Variants in DIP2C observed in about 807,000 individuals in gnomAD.
DIP2C encodes the protein DIP2 acetate--CoA ligase C (putative), also known as disco-interacting protein 2 homolog C.
DIP2C carries 33 observed loss-of-function variants against 192.4 expected under a neutral mutation model. The observed-to-expected ratio is 0.17, with a 90% CI of 0.13 to 0.23. The LOEUF is 0.23. Among genes scored for constraint, DIP2C ranks in the 10% least tolerant of loss-of-function variants. The pLI, the probability that DIP2C is intolerant of heterozygous loss-of-function variation, is 1.00. For synonymous variants in DIP2C, 979 were observed against 864.1 expected (o/e 1.13, Z -2.33); for missense variants, 1,537 against 2,110.1 (o/e 0.73, Z 5.32).
chr10:340,770 T>C (rs1451753378), intron 29 of DIP2C: 1 of 457,814 alleles, frequency 2.2e-6, no homozygotes, highest in African/African-American at 2.0e-5. Context: ...TCAGCCCTCG[T>C]GGACTCACCT....
chr10:574,939 CCA>C (rs2131546958), intron 1 of DIP2C, among the ~76,000 whole-genome samples: 1 of 152,216 alleles, frequency 6.6e-6, no homozygotes, highest in South Asian at 2.1e-4. Flanking sequence ...TTATGTAATT[CCA>C]CAGATTCTCA....
chr10:566,600 C>T (rs11253223), intron 1 of DIP2C, among the ~76,000 whole-genome samples: 177 of 152,368 alleles, frequency 1.2e-3, no homozygotes, highest in African/African-American at 4.1e-3. Flanking sequence ...TCTCCAGAGG[C>T]GAGGGCCCAT....
At chr10:329,668 G>A (rs1957417143) in intron 29 of DIP2C, 67 bp from the exon 30 acceptor site, 3 of 1,523,456 alleles carry the variant, frequency 2.0e-6, no homozygotes, top group South Asian at 1.3e-5. Context: ...AGGCTGGAGG[G>A]CTCAGGGCAG....
chr10:645,899 G>C (rs944796628), intron 1 of DIP2C, among the ~76,000 whole-genome samples: 1 of 152,110 alleles, frequency 6.6e-6, no homozygotes, highest in Non-Finnish European at 1.5e-5. Flanking sequence ...CCAAAATGCT[G>C]CGTCCCCCGA....
At chr10:461,819 TAACA>T (rs1355585340) in intron 3 of DIP2C, among the ~76,000 whole-genome samples, 7 of 152,178 alleles carry the variant, frequency 4.6e-5, no homozygotes, top group Non-Finnish European at 7.4e-5. Context: ...ATGGAAATCA[TAACA>T]AACAGTCTCT....
intron 1 of DIP2C, among the ~76,000 whole-genome samples, chr10:645,083 G>A (rs1855382483): frequency 6.6e-6 from 1 of 152,068 alleles, no homozygotes; most frequent in South Asian, 2.1e-4. Flanking sequence ...GAAATAAAGG[G>A]GAAAAGCCTG....
At chr10:468,183 C>A (rs1970377133) in intron 3 of DIP2C, among the ~76,000 whole-genome samples, 1 of 152,138 alleles carries the variant, frequency 6.6e-6, no homozygotes, top group Admixed American at 6.6e-5. Context: ...TTATCTCACA[C>A]CTTATTGTTA....
chr10:501,916 GGGAGGA>G (rs1225941495), intron 1 of DIP2C, among the ~76,000 whole-genome samples: 1 of 152,116 alleles, frequency 6.6e-6, no homozygotes, highest in Non-Finnish European at 1.5e-5. Flanking sequence ...AGGCTGAGGT[GGGAGGA>G]TCACTTGAGC....
chr10:574,321 C>T (rs559035145), intron 1 of DIP2C, among the ~76,000 whole-genome samples: 1 of 152,200 alleles, frequency 6.6e-6, no homozygotes, highest in South Asian at 2.1e-4. Context: ...ATTAAATAAC[C>T]AAGGATAGGA....
At chr10:453,664 G>A (rs1969043535) in intron 3 of DIP2C, among the ~76,000 whole-genome samples, 1 of 152,208 alleles carries the variant, frequency 6.6e-6, no homozygotes, top group Admixed American at 6.5e-5. Flanking sequence ...GCATTAACGT[G>A]TTATCAAAGC....
intron 1 of DIP2C, chr10:629,762 C>T (rs1330257322): frequency 6.6e-6 from 1 of 152,312 alleles, no homozygotes; most frequent in African/African-American, 2.4e-5. Flanking sequence ...GCCTGAGGAT[C>T]GCCATACATG....
chr10:313,693 A>G (rs554934325), intron 31 of DIP2C, among the ~76,000 whole-genome samples: 1 of 152,354 alleles, frequency 6.6e-6, no homozygotes, highest in South Asian at 2.1e-4. Flanking sequence ...GGAGTCTGGA[A>G]ACCTGTCCCC....
intron 1 of DIP2C, among the ~76,000 whole-genome samples, chr10:603,937 C>T (rs1450254081): frequency 1.3e-5 from 2 of 151,056 alleles, no homozygotes; most frequent in East Asian, 2.0e-4. Context: ...CCCTCCGGCC[C>T]GGCACCCCTC....
At position 476,184 on chromosome 10, in the gene DIP2C, G is replaced by C. The variant is rs74591561; in HGVS notation, c.158-3635C>G. Among the ~76,000 whole-genome samples the C allele has an allele frequency of 2.2e-3, 330 of 152,270 alleles. 4 individuals are homozygous for C. Among genetic ancestry groups the C allele is most frequent in the African/African-American group, 7.0e-3 (292 of 41,564 alleles). On this transcript the variant is annotated intron_variant, in intron 2 of 36. Transcript: ENST00000280886. ...CTGCCTTCACACACTCAAGAGTCTG[G>C]AGAACAAAGAGCAAGGTCTCTTGAG...
At chr10:312,132 CG>C (rs1445663826) in intron 31 of DIP2C, among the ~76,000 whole-genome samples, 2 of 152,176 alleles carry the variant, frequency 1.3e-5, no homozygotes, top group African/African-American at 4.8e-5. Context: ...ACGGTCTGCT[CG>C]GCAGCCTCAG....
intron 1 of DIP2C, among the ~76,000 whole-genome samples, chr10:487,577 T>TTG (rs1337671183): frequency 1.6e-5 from 2 of 125,506 alleles, no homozygotes; most frequent in African/African-American, 3.2e-5. Context: ...GTTTTTTTTT[T>TTG]TTTTTTTTTT....
chr10:451,807 T>C (rs1174422062), intron 3 of DIP2C, among the ~76,000 whole-genome samples: 3 of 152,124 alleles, frequency 2.0e-5, no homozygotes, highest in Non-Finnish European at 2.9e-5. Flanking sequence ...AAAGCAATCA[T>C]GTGGGGAAGG....
At chr10:525,805 C>T (rs1431967520) in intron 1 of DIP2C, among the ~76,000 whole-genome samples, 1 of 152,150 alleles carries the variant, frequency 6.6e-6, no homozygotes, top group African/African-American at 2.4e-5. Flanking sequence ...GACAGCCGGG[C>T]CTGAGTGACC....
intron 1 of DIP2C, among the ~76,000 whole-genome samples, chr10:659,783 C>T (rs1043633709): frequency 3.3e-5 from 5 of 152,220 alleles, no homozygotes; most frequent in African/African-American, 9.6e-5. Context: ...TCCCACTTCC[C>T]GGGATCTGAC....
Sources: gnomAD v4.1 joint callset for allele counts (sites outside exome capture counted in the v4.1 genomes callset) on GRCh38, gnomAD v4.1.1 for gene constraint, MANE v1.5 for transcripts, NCBI Gene and HGNC (gene_info 2026-07-23, HGNC 2026-07-21) for gene names.